The following PIWIL3 variants were observed in gnomAD, a reference collection of about 807,000 sequenced individuals.
The protein encoded by PIWIL3 is piwi like RNA-mediated gene silencing 3, also known as piwi-like protein 3.
Under a neutral mutation model 109.7 loss-of-function variants are expected in PIWIL3, and 101 were observed. That is an observed-to-expected ratio of 0.92 (90% CI 0.78 to 1.09). The LOEUF (loss-of-function observed/expected upper bound fraction) is 1.09, where lower values mean the gene tolerates loss of function less well. PIWIL3 is among the 50% of genes least tolerant of loss of function. The pLI is 0.00. For missense variants in PIWIL3, 1,031 were observed against 1,072.6 expected, an observed-to-expected ratio of 0.96 and a Z score of 0.54; for synonymous variants, 373 against 376.4, an observed-to-expected ratio of 0.99 and a Z score of 0.10.
intron 2 of PIWIL3, among the ~76,000 whole-genome samples, chr22:24,761,368 A>G (rs1925428041): frequency 6.6e-6 from 1 of 152,182 alleles, no homozygotes; most frequent in Non-Finnish European, 1.5e-5. Context: ...CTAAACGCCA[A>G]GCGGAGGGAG....
chr22:24,724,798 C>T, intron 18 of PIWIL3, 89 bp downstream of exon 18: 1 of 1,412,094 alleles, frequency 7.1e-7, no homozygotes, highest in Non-Finnish European at 9.6e-7. Flanking sequence ...TCTTGAACTC[C>T]TGGGCTCAAG....
chr22:24,723,875 G>A (rs1601821355), intron 18 of PIWIL3, among the ~76,000 whole-genome samples: 1 of 151,984 alleles, frequency 6.6e-6, no homozygotes, highest in Non-Finnish European at 1.5e-5. Context: ...ATGGGGTTTC[G>A]CTATGTTGGC....
chr22:24,762,643 C>T, intron 1 of PIWIL3, 122 bp from the exon 2 acceptor site: 1 of 801,810 alleles, frequency 1.2e-6, no homozygotes, highest in Non-Finnish European at 1.8e-6. Flanking sequence ...GTGTTTGGCT[C>T]ATCATTCTGA....
intron 1 of PIWIL3, 109 bp from the exon 2 acceptor site, chr22:24,762,630 G>T: frequency 2.2e-6 from 2 of 918,944 alleles, no homozygotes; most frequent in South Asian, 1.9e-5. Flanking sequence ...TAAAGGAAGA[G>T]GTGTGTTTGG....
In PIWIL3 at chr22:24,771,568, T is replaced by C. The variant is rs188878568; in HGVS notation, c.-23+2754A>G. 1.9e-3 allele frequency among the ~76,000 whole-genome samples: 290 copies of C among 152,224 alleles called. 2 individuals are homozygous for C. Among genetic ancestry groups the C allele is most frequent in the Non-Finnish European group, 6.3e-4 (43 of 68,012 alleles). On this transcript the variant is annotated intron_variant, in intron 1 of 20. Transcript: ENST00000616349. ...TGACTGGTGAGCAGCCAGACTTGTG[T>C]TCAGTTACATTAAGATGGCCTTTCT...
chr22:24,719,827 A>G lies in PIWIL3; in HGVS notation c.2426T>C (p.Ile809Thr). The change falls in exon 20 of 21, where the codon ATC (isoleucine) becomes ACC (threonine). Residue 809 changes from isoleucine (I) to threonine (T), a missense_variant. By Grantham distance (89) the Ile-to-Thr change is moderately conservative (BLOSUM62 -1). Transcript: ENST00000616349. ...TGGGCTCAAGCCAATCGTGTCATAG[A>G]TGACGTTATAATGAGTGGGGGTAAC... ...GTVTPTHYNVIYDTIGLSPDT... is the reference protein window; with the variant it reads ...GTVTPTHYNVTYDTIGLSPDT... 1 of 1,610,904 alleles carries G rather than the reference A, an allele frequency of 6.2e-7. No individual in the cohort carries two copies. The highest frequency in any genetic ancestry group is 8.5e-7 in the Non-Finnish European group (1 of 1,177,026).
chr22:24,724,887 T>G lies in PIWIL3; in HGVS notation c.2231A>C (p.Asn744Thr). 7 of 1,613,068 alleles carry G rather than the reference T, an allele frequency of 4.3e-6. No individual in the cohort carries two copies. The highest frequency in any genetic ancestry group is 5.9e-6 in the Non-Finnish European group (7 of 1,179,480). The change falls in exon 18 of 21, where the codon AAT becomes ACT. Residue 744 changes from asparagine to threonine, a missense_variant and splice_region_variant. Physicochemically the swap from Asn to Thr is moderately conservative, Grantham distance 65 (BLOSUM62 0). Transcript: ENST00000616349. ...STYLKTISPN[N>T]FTLAFIVVKK... ...ACACATTACAATTAATACAACCTAC[T>G]TGTTAGGAGAGATGGTTTTTAAGTA...
intron 12 of PIWIL3, among the ~76,000 whole-genome samples, chr22:24,747,909 G>A (rs1601839342): frequency 6.6e-6 from 1 of 152,156 alleles, no homozygotes. Context: ...GCTAACATAT[G>A]TTGCAGCAAT....
At chr22:24,749,960 T>A in intron 9 of PIWIL3, 141 bp from the exon 10 acceptor site, 1 of 1,105,248 alleles carries the variant, frequency 9.0e-7, no homozygotes, top group South Asian at 1.5e-5. Context: ...AGTTTAATAG[T>A]GTACTATGAA....
intron 1 of PIWIL3, among the ~76,000 whole-genome samples, chr22:24,768,643 C>G (rs769024298): frequency 6.6e-6 from 1 of 152,192 alleles, no homozygotes; most frequent in Non-Finnish European, 1.5e-5. Context: ...GCCCTTACCT[C>G]TATGGGTGAC....
At chr22:24,720,059 G>C (rs1384149596) in intron 19 of PIWIL3, among the ~76,000 whole-genome samples, 164 bp from the exon 20 acceptor site, 1 of 152,072 alleles carries the variant, frequency 6.6e-6, no homozygotes, top group East Asian at 1.9e-4. Flanking sequence ...AACGATTTGA[G>C]AAATCAAGTC....
At chr22:24,755,957 T>G in intron 5 of PIWIL3, 52 bp from the exon 6 acceptor site, 1 of 1,576,622 alleles carries the variant, frequency 6.3e-7, no homozygotes, top group Middle Eastern at 1.7e-4. Flanking sequence ...TCCAAAAAAC[T>G]AAACTTCATT....
Position 24,755,803 on chromosome 22 carries a change from A to G in PIWIL3, c.673T>C (p.Tyr225His). The change falls in exon 6 of 21, where the codon TAC becomes CAC. Residue 225 changes from tyrosine to histidine, a missense_variant. Coordinates refer to ENST00000616349, the MANE Select transcript of PIWIL3 (RefSeq NM_001255975.1). Reference protein sequence around the residue: ...TPTSPDCLRYYNILFRRTFKL... With the variant: ...TPTSPDCLRYHNILFRRTFKL... ...ACATACCTTCTAAAGAGAATGTTGT[A>G]ATAGCGTAGGCAATCTGGCGACGTG... 6.2e-7 allele frequency: 1 copy of G among 1,614,134 alleles called. No individual in the cohort carries two copies. The highest frequency in any genetic ancestry group is 8.5e-7 in the Non-Finnish European group (1 of 1,179,988).
At chr22:24,758,919 G>A (rs1019324494) in intron 3 of PIWIL3, among the ~76,000 whole-genome samples, 14 of 145,358 alleles carry the variant, frequency 9.6e-5, no homozygotes, top group South Asian at 2.2e-4. Context: ...CTTTTCAGAC[G>A]GAGTCTAACT....
At chr22:24,773,131 T>C (rs1270914978) in intron 1 of PIWIL3, among the ~76,000 whole-genome samples, 2 of 152,188 alleles carry the variant, frequency 1.3e-5, no homozygotes, top group Non-Finnish European at 2.9e-5. Context: ...CCTCCACTGC[T>C]CTGGGCCACA....
In PIWIL3 at chr22:24,755,821, G is replaced by C. The variant is rs1228260371; in HGVS notation, c.655C>G (p.Pro219Ala). ...ATGTTGTAATAGCGTAGGCAATCTG[G>C]CGACGTGGGCGTGAGTTCTTTGGAA... ...EFSKELTPTS[P>A]DCLRYYNILF... The change falls in exon 6 of 21, where the codon CCA becomes GCA. Residue 219 changes from proline to alanine, a missense_variant. Physicochemically the swap from Pro to Ala is conservative, Grantham distance 27. Coordinates refer to ENST00000616349, the MANE Select transcript of PIWIL3 (RefSeq NM_001255975.1). The C allele has an allele frequency of 6.2e-7, 1 of 1,613,918 alleles. No homozygotes were observed. Among genetic ancestry groups the C allele is most frequent in the Non-Finnish European group, 8.5e-7 (1 of 1,179,998 alleles).
intron 1 of PIWIL3, among the ~76,000 whole-genome samples, chr22:24,766,509 A>T (rs1347307740): frequency 6.6e-6 from 1 of 151,558 alleles, no homozygotes; most frequent in African/African-American, 2.4e-5. Context: ...TTTTTAGTAG[A>T]GACGGGGTTT....
At chr22:24,741,588 C>A (rs1337234155) in intron 12 of PIWIL3, among the ~76,000 whole-genome samples, 1 of 151,996 alleles carries the variant, frequency 6.6e-6, no homozygotes, top group African/African-American at 2.4e-5. Context: ...AAGGGACATA[C>A]CTTAAGGTAA....
chr22:24,751,323 AAC>A, intron 9 of PIWIL3, 62 bp downstream of exon 9: 1 of 1,462,982 alleles, frequency 6.8e-7, no homozygotes. Context: ...GTAGCTAAAT[AAC>A]ACAAACTGAA....
Sources: gnomAD v4.1 joint callset for allele counts (sites outside exome capture counted in the v4.1 genomes callset) on GRCh38, gnomAD v4.1.1 for gene constraint, MANE v1.5 for transcripts, NCBI Gene and HGNC (gene_info 2026-07-23, HGNC 2026-07-21) for gene names.